Variants in ARSF observed in about 807,000 individuals in gnomAD.
The protein encoded by ARSF is arylsulfatase F.
A neutral mutation model predicts 35.4 loss-of-function variants in ARSF; 33 were observed. The ratio of observed to expected loss-of-function variants is 0.93; its 90% confidence interval spans 0.71 to 1.25. The LOEUF (loss-of-function observed/expected upper bound fraction) is 1.25, where lower values mean the gene tolerates loss of function less well. Ranked by LOEUF, ARSF falls within the 50% of genes most tolerant of loss-of-function variation. ARSF has a pLI of 0.00. For synonymous variants in ARSF, 222 were observed against 193.1 expected, an observed-to-expected ratio of 1.15 and a Z score of -1.24; for missense variants, 501 against 480.2, an observed-to-expected ratio of 1.04 and a Z score of -0.40.
intron 2 of ARSF, among the ~76,000 whole-genome samples, chrX:3,069,216 A>G (rs1006277285): frequency 3.5e-4 from 39 of 111,966 alleles, no homozygotes; most frequent in African/African-American, 1.0e-3. Context: ...CTTTTCCTCA[A>G]TTCAGTTCTT....
intron 1 of ARSF, among the ~76,000 whole-genome samples, chrX:3,061,502 A>T (rs781276372): frequency 5.0e-4 from 56 of 111,790 alleles, no homozygotes; most frequent in South Asian, 1.5e-3. Flanking sequence ...AAAGACACAG[A>T]CTGGCAAATT....
chrX:3,104,005 C>G (rs2090397153), intron 9 of ARSF, 81 bp downstream of exon 9: 2 of 1,063,664 alleles, frequency 1.9e-6, no homozygotes, highest in East Asian at 3.1e-5. Context: ...GAGACTGACT[C>G]TATCCTGGCA....
chrX:3,079,542 C>G lies in ARSF; in HGVS notation c.284-1349C>G, dbSNP rs773531305. Among the ~76,000 whole-genome samples the G allele has an allele frequency of 6.4e-5, 7 of 108,788 alleles. No individual in the cohort carries two copies. The South Asian group carries it at 2.5e-3, about 39-fold the overall frequency. 94.5% of individuals were successfully genotyped at this position (108,788 alleles called of 115,157 possible). ...TATTTTTAGTAGAGACGGGGTTTCC[C>G]CATATTGGTCAGGCTGGTCTCGAAC... On this transcript the variant is annotated intron_variant, in intron 4 of 10. Coordinates refer to ENST00000381127, the MANE Select transcript of ARSF (RefSeq NM_001201539.2).
intron 6 of ARSF, among the ~76,000 whole-genome samples, chrX:3,088,012 A>G (rs1480369145): frequency 3.6e-5 from 4 of 111,981 alleles, no homozygotes; most frequent in Non-Finnish European, 7.5e-5. Flanking sequence ...ATATTTTGAT[A>G]TCTCACCAGA....
chrX:3,103,906 G>A lies in ARSF; in HGVS notation c.1247G>A (p.Gly416Glu), dbSNP rs765647698. The change falls in exon 9 of 11, where the codon GGA (glycine) becomes GAA (glutamate). Residue 416 changes from glycine to glutamate, a missense_variant. By Grantham distance (98) the Gly-to-Glu change is moderately conservative. Coordinates refer to ENST00000381127, the MANE Select transcript of ARSF (RefSeq NM_001201539.2). ...CCAACTGTCGCATCAGTGTCAGGAG[G>A]AAGTCTCCCTCAGGACAGGTGATGT... ...ILPTVASVSG[G>E]SLPQDRVIDG... 4 of 1,209,089 alleles carry A rather than the reference G, an allele frequency of 3.3e-6. No individual in the cohort carries two copies. Among genetic ancestry groups the A allele is most frequent in the Admixed American group, 2.2e-5 (1 of 45,613 alleles).
At chrX:3,084,066 CA>C (rs1342188325) in intron 5 of ARSF, among the ~76,000 whole-genome samples, 176 bp from the exon 6 acceptor site, 5 of 111,457 alleles carry the variant, frequency 4.5e-5, no homozygotes, top group Non-Finnish European at 7.5e-5. Context: ...TAAAGAAGAA[CA>C]AAAAAAATGT....
At chrX:3,061,777 T>C (rs1371064369) in intron 1 of ARSF, among the ~76,000 whole-genome samples, 12 of 111,494 alleles carry the variant, frequency 1.1e-4, no homozygotes, top group Admixed American at 8.6e-4. Flanking sequence ...ATGCACCCAA[T>C]ACAGGAGCAC....
rs1439919912 is a variant in ARSF at position 3,080,918 on chromosome X, T to C, written c.311T>C (p.Val104Ala). ...SGMVSSGNRR[V>A]IQNLAVPAGL... ...ATGGTTTCTAGTGGTAATAGACGTGTCATCCAAAATCTTGCAGTCCCCGCA... is the reference window on the plus strand; with the variant it reads ...ATGGTTTCTAGTGGTAATAGACGTGCCATCCAAAATCTTGCAGTCCCCGCA... Residue 104 changes from valine (V) to alanine (A), a missense_variant, in exon 5 of 11, where the codon GTC (valine) becomes GCC (alanine). Physicochemically the swap from Val to Ala is moderately conservative, Grantham distance 64. Coordinates refer to ENST00000381127, the MANE Select transcript of ARSF (RefSeq NM_001201539.2). The C allele has an allele frequency of 8.3e-7, 1 of 1,211,692 alleles. No individual in the cohort carries two copies. The highest frequency in any genetic ancestry group is 1.7e-5 in the African/African-American group (1 of 57,835).
intron 4 of ARSF, among the ~76,000 whole-genome samples, chrX:3,077,784 T>TTTTA (rs1404847064): frequency 1.2e-3 from 118 of 95,593 alleles, no homozygotes; most frequent in African/African-American, 4.2e-3. Flanking sequence ...ATCAATTTTA[T>TTTTA]TTTATTTATT....
chrX:3,048,454 A>G (rs2089983981), intron 1 of ARSF, among the ~76,000 whole-genome samples: 1 of 112,320 alleles, frequency 8.9e-6, no homozygotes, highest in Admixed American at 9.5e-5. Context: ...TTGCTTATGT[A>G]AAAGTACAGA....
At chrX:3,107,082 T>C (rs2090415800) in intron 9 of ARSF, among the ~76,000 whole-genome samples, 1 of 112,332 alleles carries the variant, frequency 8.9e-6, no homozygotes, top group Non-Finnish European at 1.9e-5. Context: ...GTTGTTATAT[T>C]GTACCCTTTA....
rs113800662 is a variant in ARSF at position 3,069,321 on chromosome X, C to T, written c.11+1210C>T. ...TTTTTCTTTTCTCCAGCCAAAGCTGCTATTCTCACACTTTTTCTTCTTTTG... is the reference window on the plus strand; with the variant it reads ...TTTTTCTTTTCTCCAGCCAAAGCTGTTATTCTCACACTTTTTCTTCTTTTG... On this transcript the variant is annotated intron_variant, in intron 2 of 10. Transcript: ENST00000381127. Among the ~76,000 whole-genome samples, 936 of 110,204 alleles carry T rather than the reference C, an allele frequency of 8.5e-3. 7 individuals carry two copies. Among genetic ancestry groups the T allele is most frequent in the African/African-American group, 0.029 (880 of 30,380 alleles).
At chrX:3,070,377 A>G (rs905532882) in intron 2 of ARSF, among the ~76,000 whole-genome samples, 1 of 110,754 alleles carries the variant, frequency 9.0e-6, no homozygotes, top group African/African-American at 3.3e-5. Context: ...ATGCCCTTAA[A>G]TTAGAATAAA....
intron 7 of ARSF, among the ~76,000 whole-genome samples, chrX:3,093,645 T>C (rs887891851): frequency 1.8e-5 from 2 of 112,260 alleles, no homozygotes; most frequent in Non-Finnish European, 3.8e-5. Context: ...ACATTTTCTT[T>C]ATCCATGTAG....
chrX:3,064,029 C>G (rs2090053277), intron 1 of ARSF, among the ~76,000 whole-genome samples: 1 of 111,740 alleles, frequency 8.9e-6, no homozygotes, highest in South Asian at 3.7e-4. Flanking sequence ...AAGCCGGAGG[C>G]ACCATGCTAC....
intron 1 of ARSF, among the ~76,000 whole-genome samples, chrX:3,063,358 G>A (rs1448795945): frequency 2.7e-5 from 3 of 111,331 alleles, no homozygotes; most frequent in Non-Finnish European, 5.6e-5. Flanking sequence ...ATACTGAATG[G>A]GCAAAAACTG....
chrX:3,092,812 C>T (rs1275479914), intron 7 of ARSF, among the ~76,000 whole-genome samples: 1 of 112,317 alleles, frequency 8.9e-6, no homozygotes, highest in Non-Finnish European at 1.9e-5. Flanking sequence ...AGAATTGTTG[C>T]TTTTCTTATT....
chrX:3,096,339 C>A (rs1160102628), intron 7 of ARSF, among the ~76,000 whole-genome samples: 1 of 110,652 alleles, frequency 9.0e-6, no homozygotes, highest in Non-Finnish European at 1.9e-5. Flanking sequence ...ATTTTTCAAG[C>A]AGTAAATGAG....
chrX:3,073,863 C>T (rs1198960536), intron 3 of ARSF, among the ~76,000 whole-genome samples: 1 of 107,525 alleles, frequency 9.3e-6, no homozygotes, highest in Non-Finnish European at 1.9e-5. Flanking sequence ...AGATGGTGAG[C>T]TTGTATTTTT....
Sources: allele counts gnomAD v4.1 joint callset (sites outside exome capture counted in the v4.1 genomes callset), GRCh38; gene constraint gnomAD v4.1.1; transcripts MANE v1.5; gene names NCBI Gene and HGNC (gene_info 2026-07-23, HGNC 2026-07-21).